Variants in WWOX observed in about 807,000 individuals in gnomAD.
WWOX encodes the protein WW domain containing oxidoreductase.
Under a neutral mutation model 46.2 loss-of-function variants are expected in WWOX, and 69 were observed. The observed-to-expected ratio is 1.49, with a 90% confidence interval of 1.23 to 1.82. The LOEUF is 1.82. WWOX is among the 40% of genes most tolerant of loss of function. The pLI is 0.00. For synonymous variants in WWOX, 359 were observed against 202.6 expected (o/e 1.77, Z -6.56); for missense variants, 919 against 542.6 (o/e 1.69, Z -6.89).
At chr16:78,472,158 T>C (rs774304181) in intron 8 of WWOX, among the ~76,000 whole-genome samples, 12 of 152,128 alleles carry the variant, frequency 7.9e-5, no homozygotes, top group African/African-American at 2.4e-4. Context: ...ATACCTATTT[T>C]TGTGCATAAT....
chr16:78,187,558 G>A (rs1362174734), intron 5 of WWOX, among the ~76,000 whole-genome samples: 1 of 152,148 alleles, frequency 6.6e-6, no homozygotes, highest in Non-Finnish European at 1.5e-5. Flanking sequence ...AGCCGAGATC[G>A]CGCCACTGCA....
At chr16:78,587,493 C>T (rs988971367) in intron 8 of WWOX, among the ~76,000 whole-genome samples, 1 of 152,056 alleles carries the variant, frequency 6.6e-6, no homozygotes, top group South Asian at 2.1e-4. Flanking sequence ...ATGAATCTTT[C>T]AAGATAAGTG....
intron 8 of WWOX, among the ~76,000 whole-genome samples, chr16:78,880,666 C>T (rs1276920843): frequency 3.3e-5 from 5 of 152,174 alleles, no homozygotes; most frequent in East Asian, 3.9e-4. Flanking sequence ...ATTCACTTGC[C>T]GAACTTGCTG....
At chr16:78,705,530 A>C (rs79258371) in intron 8 of WWOX, among the ~76,000 whole-genome samples, 2,698 of 152,270 alleles carry the variant, frequency 0.018, 81 homozygotes, top group African/African-American at 0.062. Context: ...CTAATGTAAG[A>C]AGTGCTGGCT....
At chr16:78,159,730 G>A (rs914704826) in intron 4 of WWOX, among the ~76,000 whole-genome samples, 3 of 115,760 alleles carry the variant, frequency 2.6e-5, no homozygotes, top group Admixed American at 2.0e-4. Context: ...ATATATTTTG[G>A]ATATGAACAC....
At chr16:78,399,309 A>G (rs1392343591) in intron 6 of WWOX, among the ~76,000 whole-genome samples, 1 of 152,244 alleles carries the variant, frequency 6.6e-6, no homozygotes, top group African/African-American at 2.4e-5. Flanking sequence ...CATGGAGCCT[A>G]TACCTTTGTA....
chr16:78,914,721 T>C (rs141327927), intron 8 of WWOX, among the ~76,000 whole-genome samples: 1,607 of 150,154 alleles, frequency 0.011, 28 homozygotes, highest in South Asian at 0.032. Flanking sequence ...CTACTAAAAA[T>C]ACAAAAAATT....
chr16:78,234,969 G>A (rs1335813518), intron 5 of WWOX, among the ~76,000 whole-genome samples: 1 of 151,740 alleles, frequency 6.6e-6, no homozygotes, highest in Non-Finnish European at 1.5e-5. Context: ...ATTTCTTTCT[G>A]GGTGGTCTTG....
At chr16:78,111,997 C>A in intron 3 of WWOX, 1 of 153,642 alleles carries the variant, frequency 6.5e-6, no homozygotes, top group South Asian at 1.9e-4. Context: ...CGTGCCCAGC[C>A]GTTCGGGGCC....
At chr16:78,938,684 T>C (rs1366591364) in intron 8 of WWOX, among the ~76,000 whole-genome samples, 1 of 152,156 alleles carries the variant, frequency 6.6e-6, no homozygotes, top group Admixed American at 6.5e-5. Flanking sequence ...GAGATAGCAA[T>C]GAAGGCAGAC....
At chr16:78,573,681 A>G (rs1217791550) in intron 8 of WWOX, among the ~76,000 whole-genome samples, 2 of 152,220 alleles carry the variant, frequency 1.3e-5, no homozygotes, top group Non-Finnish European at 2.9e-5. Context: ...GACAGCCATA[A>G]GATGGGTAGC....
intron 5 of WWOX, among the ~76,000 whole-genome samples, chr16:78,208,165 G>T (rs546200890): frequency 2.6e-5 from 4 of 152,124 alleles, no homozygotes; most frequent in East Asian, 1.9e-4. Context: ...TTATTCCTTC[G>T]TGGAGCTCAG....
intron 8 of WWOX, among the ~76,000 whole-genome samples, chr16:78,798,601 T>TC (rs1218430348): frequency 1.3e-5 from 2 of 151,764 alleles, no homozygotes; most frequent in African/African-American, 4.8e-5. Context: ...GTTTTTTTTT[T>TC]TTTTTTAAGA....
intron 8 of WWOX, among the ~76,000 whole-genome samples, chr16:78,563,803 C>T (rs1354879010): frequency 6.6e-6 from 1 of 152,148 alleles, no homozygotes; most frequent in African/African-American, 2.4e-5. Flanking sequence ...CAATTCTTCC[C>T]TGTCCCCTGC....
intron 8 of WWOX, among the ~76,000 whole-genome samples, chr16:78,848,216 T>C (rs1213518774): frequency 2.0e-5 from 3 of 152,218 alleles, no homozygotes; most frequent in South Asian, 4.1e-4. Context: ...AGAGTTGACA[T>C]ACGGAAAACA....
At chr16:79,126,515 C>T (rs765261218) in intron 8 of WWOX, among the ~76,000 whole-genome samples, 19 of 152,100 alleles carry the variant, frequency 1.2e-4, no homozygotes, top group Admixed American at 3.3e-4. Flanking sequence ...TCCCTCCTGC[C>T]GCCTTGTGAA....
chr16:78,161,589 G>A (rs373150558), intron 4 of WWOX, among the ~76,000 whole-genome samples: 1 of 151,960 alleles, frequency 6.6e-6, no homozygotes, highest in Non-Finnish European at 1.5e-5. Flanking sequence ...TGGGACTACC[G>A]GTACCTGCCA....
chr16:79,086,647 A>C (rs1484672009), intron 8 of WWOX, among the ~76,000 whole-genome samples: 1 of 152,172 alleles, frequency 6.6e-6, no homozygotes, highest in Non-Finnish European at 1.5e-5. Flanking sequence ...TTGGGAGGCC[A>C]AGGTGGGAAA....
intron 1 of WWOX, among the ~76,000 whole-genome samples, chr16:78,102,540 C>T (rs778935674): frequency 4.3e-4 from 65 of 152,224 alleles, no homozygotes; most frequent in Admixed American, 5.9e-4. Context: ...GAGGCAAGCT[C>T]CTGAGCGGGC....
Sources: gnomAD v4.1 joint callset for allele counts (sites outside exome capture counted in the v4.1 genomes callset) on GRCh38, gnomAD v4.1.1 for gene constraint, MANE v1.5 for transcripts, NCBI Gene and HGNC (gene_info 2026-07-23, HGNC 2026-07-21) for gene names.